The following TRIO variants were observed in gnomAD, a reference collection of about 807,000 sequenced individuals.
TRIO encodes the protein trio Rho guanine nucleotide exchange factor.
In TRIO, 58 loss-of-function variants were observed where a neutral mutation model predicts 351.9. The observed-to-expected ratio is 0.16, with a 90% CI of 0.13 to 0.21. The LOEUF (loss-of-function observed/expected upper bound fraction) is 0.21. Among genes scored for constraint, TRIO ranks in the 10% least tolerant of loss-of-function variants. The pLI, the probability that TRIO is intolerant of heterozygous loss-of-function variation, is 1.00. For missense variants in TRIO, 3,201 were observed against 4,027.8 expected (o/e 0.79, Z 5.56); for synonymous variants, 1,758 against 1,595.7 (o/e 1.10, Z -2.42).
At chr5:14,252,986 C>A (rs1794829168) in intron 1 of TRIO, among the ~76,000 whole-genome samples, 1 of 152,212 alleles carries the variant, frequency 6.6e-6, no homozygotes, top group Non-Finnish European at 1.5e-5. Context: ...GGCAGCCTGG[C>A]CCCAAAATTA....
At chr5:14,388,257 C>G (rs1393730647) in intron 23 of TRIO, among the ~76,000 whole-genome samples, 2 of 152,102 alleles carry the variant, frequency 1.3e-5, no homozygotes, top group African/African-American at 4.8e-5. Context: ...TGAGGGGACA[C>G]TTTGGTTGTC....
In TRIO at chr5:14,217,452, C is replaced by T. The variant is rs147604957; in HGVS notation, c.158-53373C>T. Among the ~76,000 whole-genome samples, 13 of 152,224 alleles carry T rather than the reference C, an allele frequency of 8.5e-5. No individual in the cohort carries two copies. The East Asian group carries it at 2.3e-3, about 27-fold the overall frequency. On this transcript the variant is annotated intron_variant, in intron 1 of 56. Coordinates refer to ENST00000344204, the MANE Select transcript of TRIO (RefSeq NM_007118.4). ...TGACCATAAAGCTTTTCTTCTCCCTCGTGCTGTCCCCCACGAACCCAGGTA... is the reference window on the plus strand; with the variant it reads ...TGACCATAAAGCTTTTCTTCTCCCTTGTGCTGTCCCCCACGAACCCAGGTA...
chr5:14,393,048 A>G (rs1156953117), intron 27 of TRIO, among the ~76,000 whole-genome samples: 50 of 142,600 alleles, frequency 3.5e-4, no homozygotes, highest in African/African-American at 1.5e-3. Context: ...CTCCATCTCA[A>G]AAAGAAAGAA....
intron 1 of TRIO, among the ~76,000 whole-genome samples, chr5:14,157,404 C>T (rs749525593): frequency 7.4e-5 from 11 of 149,128 alleles, no homozygotes; most frequent in Non-Finnish European, 1.5e-4. Context: ...TCCCCCTCCC[C>T]GCCTCCCTCC....
At chr5:14,257,649 A>G (rs1370307240) in intron 1 of TRIO, among the ~76,000 whole-genome samples, 1 of 152,074 alleles carries the variant, frequency 6.6e-6, no homozygotes, top group East Asian at 1.9e-4. Flanking sequence ...TCCTTAAATT[A>G]TTTATAGTCC....
intron 34 of TRIO, among the ~76,000 whole-genome samples, chr5:14,443,167 A>G (rs1169857427): frequency 6.6e-6 from 1 of 152,140 alleles, no homozygotes; most frequent in Non-Finnish European, 1.5e-5. Flanking sequence ...TTCTTAAACT[A>G]TTAAGAAGCT....
chr5:14,482,384 G>A, intron 45 of TRIO, 198 bp from the exon 46 acceptor site: 1 of 403,324 alleles, frequency 2.5e-6, no homozygotes. Context: ...CTATACAAAT[G>A]TTGGCAAGAA....
chr5:14,464,627 T>A (rs1353231608), intron 36 of TRIO, among the ~76,000 whole-genome samples: 1 of 152,204 alleles, frequency 6.6e-6, no homozygotes, highest in Admixed American at 6.5e-5. Context: ...AACCAACATT[T>A]GTTTTGCAAA....
intron 1 of TRIO, among the ~76,000 whole-genome samples, chr5:14,207,926 A>T (rs1791647924): frequency 6.6e-6 from 1 of 152,232 alleles, no homozygotes; most frequent in South Asian, 2.1e-4. Context: ...GTTCAATATC[A>T]TTAGTCACTA....
At chr5:14,203,301 T>C (rs1488805040) in intron 1 of TRIO, among the ~76,000 whole-genome samples, 3 of 152,244 alleles carry the variant, frequency 2.0e-5, no homozygotes, top group African/African-American at 7.2e-5. Flanking sequence ...GGAATAAGTC[T>C]GCAGCATCCC....
chr5:14,509,378 T>G lies in TRIO; in HGVS notation c.*956T>G, dbSNP rs1170668003. 2.2e-6 allele frequency: 1 copy of G among 446,534 alleles called. No individual in the cohort carries two copies. Among genetic ancestry groups the G allele is most frequent in the Non-Finnish European group, 4.5e-6 (1 of 224,214 alleles). 27.7% of individuals were successfully genotyped at this position (446,534 alleles called of 1,614,324 possible). On this transcript the variant is annotated 3_prime_UTR_variant, in exon 57 of 57. Transcript: ENST00000344204. Reference sequence around the variant, plus strand: ...ACTTCGTATGGTGAGCTTTATGGTTTTGTGTGTGTGTTGGGGTTGGCGGGT... The same window carrying G: ...ACTTCGTATGGTGAGCTTTATGGTTGTGTGTGTGTGTTGGGGTTGGCGGGT...
intron 18 of TRIO, 141 bp downstream of exon 18, chr5:14,369,664 G>A (rs1040254213): frequency 9.1e-7 from 1 of 1,097,558 alleles, no homozygotes; most frequent in Admixed American, 3.3e-5. Context: ...TGTCGCATCA[G>A]TGAGAAGTCA....
intron 3 of TRIO, among the ~76,000 whole-genome samples, chr5:14,283,165 T>C (rs563137708): frequency 2.8e-4 from 42 of 152,358 alleles, no homozygotes; most frequent in South Asian, 6.2e-4. Flanking sequence ...ATTTTGCTTA[T>C]GTGTAGTTTG....
chr5:14,408,151 A>T (rs1443301749), intron 33 of TRIO, among the ~76,000 whole-genome samples: 1 of 152,194 alleles, frequency 6.6e-6, no homozygotes, highest in Non-Finnish European at 1.5e-5. Flanking sequence ...AGAGTCCAGT[A>T]TTTGGAAGGT....
At chr5:14,320,881 C>T (rs1456015805) in intron 9 of TRIO, among the ~76,000 whole-genome samples, 1 of 152,138 alleles carries the variant, frequency 6.6e-6, no homozygotes, top group African/African-American at 2.4e-5. Context: ...TTTGCTAAGG[C>T]ATAAATTTGA....
intron 21 of TRIO, 72 bp from the exon 22 acceptor site, chr5:14,387,366 T>C: frequency 1.3e-6 from 2 of 1,481,616 alleles, no homozygotes; most frequent in East Asian, 2.3e-5. Context: ...TGGAGTCAAG[T>C]CGCCACTGTG....
intron 39 of TRIO, among the ~76,000 whole-genome samples, chr5:14,473,266 A>T (rs780114589): frequency 1.3e-5 from 2 of 152,238 alleles, no homozygotes; most frequent in Non-Finnish European, 2.9e-5. Context: ...TGAGATTAAG[A>T]AACTCAACTC....
At chr5:14,307,378 A>G (rs6879505) in intron 8 of TRIO, among the ~76,000 whole-genome samples, 15,238 of 152,214 alleles carry the variant, frequency 0.1, 1,293 homozygotes, top group African/African-American at 0.23. Context: ...TGTCTTACCA[A>G]TCAGTCTCCT....
chr5:14,496,601 A>G (rs917641185), intron 49 of TRIO, among the ~76,000 whole-genome samples: 3 of 152,250 alleles, frequency 2.0e-5, no homozygotes, highest in Non-Finnish European at 4.4e-5. Flanking sequence ...GTTTGAACAA[A>G]TATCTAGGCG....
Sources: allele counts gnomAD v4.1 joint callset (sites outside exome capture counted in the v4.1 genomes callset), GRCh38; gene constraint gnomAD v4.1.1; transcripts MANE v1.5; gene names NCBI Gene and HGNC (gene_info 2026-07-23, HGNC 2026-07-21).